HNRNPDL: variants seen among roughly 807,000 people sequenced by gnomAD.
HNRNPDL encodes heterogeneous nuclear ribonucleoprotein D like, also known as heterogeneous nuclear ribonucleoprotein D-like.
HNRNPDL carries 18 observed loss-of-function variants against 48.0 expected under a neutral mutation model. That is an observed-to-expected ratio of 0.38 (90% CI 0.26 to 0.56). HNRNPDL has a LOEUF of 0.56. HNRNPDL is among the 20% of genes least tolerant of loss of function. The probability of loss-of-function intolerance (pLI) is 0.77; values close to 1 mark genes in which losing one functional copy is unlikely to be tolerated. For synonymous variants in HNRNPDL, 306 were observed against 207.3 expected (o/e 1.48, Z -4.09); for missense variants, 553 against 540.7 (o/e 1.02, Z -0.23).
At position 82,429,801 on chromosome 4, in the gene HNRNPDL, C is replaced by T. The variant is rs2516817; in HGVS notation, c.-111G>A. 0.33 allele frequency: 268,984 copies of T among 809,536 alleles called. 48,957 individuals are homozygous for T. Among genetic ancestry groups the T allele is most frequent in the East Asian group, 0.68 (20,274 of 29,728 alleles). The allele number at this position is 809,536 out of a possible 1,614,324, so 50.1% of individuals were successfully genotyped here. ...GGCGTAAATTCCTGGGGTCAGCAGT[C>T]CCGAGCAGAGCCGACGCAGGGCCAC... is the stretch of plus-strand genomic sequence containing the variant. On this transcript the variant is annotated 5_prime_UTR_variant, in exon 1 of 8. Transcript: ENST00000295470.
intron 6 of HNRNPDL, 28 bp downstream of exon 6, chr4:82,426,435 T>A: frequency 6.3e-7 from 1 of 1,575,476 alleles, no homozygotes; most frequent in South Asian, 1.1e-5. Context: ...ATACCACTGC[T>A]TTATAAAATT....
chr4:82,426,347 C>T (rs1721406490), intron 6 of HNRNPDL, 116 bp downstream of exon 6: 3 of 979,266 alleles, frequency 3.1e-6, no homozygotes, highest in Non-Finnish European at 3.1e-6. Flanking sequence ...ATGCCTCAAA[C>T]ACTTAACTCC....
chr4:82,425,718 GT>G (rs2110026968), intron 7 of HNRNPDL: 1 of 236,962 alleles, frequency 4.2e-6, no homozygotes, highest in East Asian at 9.2e-5. Context: ...CAACATTCTT[GT>G]TTTCCTTAAG....
intron 7 of HNRNPDL, 86 bp downstream of exon 7, chr4:82,425,951 A>G (rs945237615): frequency 1.3e-5 from 11 of 875,248 alleles, no homozygotes; most frequent in Non-Finnish European, 1.9e-5. Context: ...CAGGCTACAT[A>G]GTATTTTGTT....
In HNRNPDL at chr4:82,428,273, C is replaced by T. The variant is rs941602069; in HGVS notation, c.612+5G>A. 1.9e-6 allele frequency: 3 copies of T among 1,611,762 alleles called. No homozygotes were observed. The highest frequency in any genetic ancestry group is 8.5e-7 in the Non-Finnish European group (1 of 1,178,340). ...AAGCAGCACAATGCAAAACATAGTT[C>T]CTACCTTATCAACACTAGCAGCATC... On this transcript the variant is annotated splice_donor_5th_base_variant and intron_variant, in intron 2 of 7. Coordinates refer to ENST00000295470, the MANE Select transcript of HNRNPDL (RefSeq NM_031372.4).
rs756961811 is a variant in HNRNPDL at position 82,429,540 on chromosome 4, G to C, written c.151C>G (p.Arg51Gly). ...LLPSLAPSSA[R>G]QGARRAQRHV... ...CGCTGGGCCCGGCGCGCCCCCTGCCGGGCGGAGCTGGGAGCGAGCGAAGGG... is the reference window on the plus strand; with the variant it reads ...CGCTGGGCCCGGCGCGCCCCCTGCCCGGCGGAGCTGGGAGCGAGCGAAGGG... The change falls in exon 1 of 8, where the codon CGG (arginine) becomes GGG (glycine). Residue 51 changes from arginine (R) to glycine (G), a missense_variant. This residue lies in a region of HNRNPDL where 327 missense variants were observed against 203.2 expected (regional missense o/e 1.61). Coordinates refer to ENST00000295470, the MANE Select transcript of HNRNPDL (RefSeq NM_031372.4). 2.0e-6 allele frequency: 3 copies of C among 1,476,540 alleles called. No homozygotes were observed. Among genetic ancestry groups the C allele is most frequent in the Non-Finnish European group, 2.7e-6 (3 of 1,117,096 alleles). 91.5% of individuals were successfully genotyped at this position (1,476,540 alleles called of 1,614,324 possible).
chr4:82,426,479 T>A lies in HNRNPDL; in HGVS notation c.1176A>T (p.Gly392=). The A allele has an allele frequency of 6.2e-7, 1 of 1,611,874 alleles. No homozygotes were observed. The highest frequency in any genetic ancestry group is 8.5e-7 in the Non-Finnish European group (1 of 1,178,214). Residue 392 remains glycine (G), a synonymous_variant, in exon 6 of 8, where the codon GGA becomes GGT. Transcript: ENST00000295470. ...YNYGNYGYGQ[G]YADYSGQQST... is the part of the protein sequence containing the mutation. Reference sequence around the variant, plus strand: ...TATTCTTACCACTGTAGTCTGCATATCCCTGTCCATATCCATAGTTCCCAT... The same window carrying A: ...TATTCTTACCACTGTAGTCTGCATAACCCTGTCCATATCCATAGTTCCCAT...
At chr4:82,429,123 G>A in intron 1 of HNRNPDL, 125 bp downstream of exon 1, 4 of 861,058 alleles carry the variant, frequency 4.6e-6, no homozygotes, top group South Asian at 1.4e-5. Context: ...CCAATCTAGT[G>A]GGGCCCAGAA....
Position 82,429,696 on chromosome 4 carries a change from C to A in HNRNPDL, c.-6G>T. 1 of 1,350,146 alleles carries A rather than the reference C, an allele frequency of 7.4e-7. No homozygotes were observed. Among genetic ancestry groups the A allele is most frequent in the Non-Finnish European group, 9.5e-7 (1 of 1,053,520 alleles). The allele number at this position is 1,350,146 out of a possible 1,614,324, so 83.6% of individuals were successfully genotyped here. A position where few individuals can be genotyped will look rare whatever the true frequency, so the allele number is the denominator to read the frequency against. On this transcript the variant is annotated 5_prime_UTR_variant, in exon 1 of 8. Transcript: ENST00000295470. ...AGCCTGGGCGGGACCTCCATCGCGG[C>A]CCTCCCGGCAAGGAGAGAGGCCACG...
Position 82,429,511 on chromosome 4 carries a change from G to T in HNRNPDL, c.180C>A (p.His60Gln). The T allele has an allele frequency of 6.6e-7, 1 of 1,524,338 alleles. No homozygotes were observed. The highest frequency in any genetic ancestry group is 8.8e-7 in the Non-Finnish European group (1 of 1,136,242). 94.4% of individuals were successfully genotyped at this position (1,524,338 alleles called of 1,614,324 possible). Residue 60 changes from histidine (H) to glutamine (Q), a missense_variant, in exon 1 of 8, where the codon CAC (histidine) becomes CAA (glutamine). Coordinates refer to ENST00000295470, the MANE Select transcript of HNRNPDL (RefSeq NM_031372.4). ...ARQGARRAQR[H>Q]VTAQQPSRLA... ...ATCGGGAGGGCTGCTGGGCGGTGAC[G>T]TGGCGCTGGGCCCGGCGCGCCCCCT... is the stretch of plus-strand genomic sequence containing the variant.
Position 82,427,494 on chromosome 4 carries a change from G to T in HNRNPDL, c.845C>A (p.Thr282Asn). 1 of 1,610,444 alleles carries T rather than the reference G, an allele frequency of 6.2e-7. No homozygotes were observed. Among genetic ancestry groups the T allele is most frequent in the Non-Finnish European group, 8.5e-7 (1 of 1,178,272 alleles). ...ERRGFCFITY[T>N]DEEPVKKLLE... ...CAATTTTTTTACTGGCTCTTCATCA[G>T]TATATGTGATAAAACAAAATCCTCT... The change falls in exon 4 of 8, where the codon ACT (threonine) becomes AAT (asparagine). Residue 282 changes from threonine (T) to asparagine (N), a missense_variant. Around this residue, in one of 4 missense-constraint regions of HNRNPDL, gnomAD observed 174 missense variants for 204.6 expected, o/e 0.85. Coordinates refer to ENST00000295470, the MANE Select transcript of HNRNPDL (RefSeq NM_031372.4).
At position 82,429,462 on chromosome 4, in the gene HNRNPDL, C is replaced by G; in HGVS notation, c.229G>C (p.Gly77Arg). The G allele has an allele frequency of 6.3e-7, 1 of 1,594,878 alleles. No individual in the cohort carries two copies. The highest frequency in any genetic ancestry group is 8.5e-7 in the Non-Finnish European group (1 of 1,170,560). ...SRLAGGAAIK[G>R]GRRRRPDLFR... The stretch of plus-strand genomic sequence containing the variant: ...AGATCCGGGCGCCGCCTGCGCCCTC[C>G]CTTTATAGCCGCCCCGCCCGCCAAT... Residue 77 changes from glycine to arginine, a missense_variant, in exon 1 of 8, where the codon GGA becomes CGA. Coordinates refer to ENST00000295470, the MANE Select transcript of HNRNPDL (RefSeq NM_031372.4).
intron 7 of HNRNPDL, chr4:82,425,193 C>T (rs903909545): frequency 6.6e-6 from 1 of 152,182 alleles, no homozygotes; most frequent in Non-Finnish European, 1.5e-5. Context: ...CTATCACAAA[C>T]ACCAATTTCT....
chr4:82,425,866 A>G, intron 7 of HNRNPDL, 171 bp downstream of exon 7: 1 of 551,336 alleles, frequency 1.8e-6, no homozygotes, highest in Admixed American at 3.2e-5. Flanking sequence ...ATAAGACTTT[A>G]AAGTTAAAGA....
chr4:82,428,840 C>G (rs1337496239), intron 1 of HNRNPDL, among the ~76,000 whole-genome samples: 1 of 152,244 alleles, frequency 6.6e-6, no homozygotes, highest in African/African-American at 2.4e-5. Flanking sequence ...TTTTGTGAAT[C>G]TGGGTACCAG....
chr4:82,427,926 C>T, intron 3 of HNRNPDL, 92 bp downstream of exon 3: 1 of 1,246,032 alleles, frequency 8.0e-7, no homozygotes, highest in South Asian at 1.4e-5. Context: ...TCTACTCTTA[C>T]AGGAAACATG....
At position 82,426,037 on chromosome 4, in the gene HNRNPDL, CT is replaced by C. The variant is rs1721392277; in HGVS notation, c.*21del. 1 of 1,569,692 alleles carries C rather than the reference CT, an allele frequency of 6.4e-7. No homozygotes were observed. The highest frequency in any genetic ancestry group is 8.8e-7 in the Non-Finnish European group (1 of 1,140,020). The stretch of plus-strand genomic sequence containing the variant: ...TGTTTTCCTGTACTCTTATACACAC[CT>C]GTTTTCTCCAATGTTCTCCTTTAGT... On this transcript the variant is annotated splice_region_variant and 3_prime_UTR_variant, in exon 7 of 8. Transcript: ENST00000295470.
rs1721280836 is a variant in HNRNPDL at position 82,423,565 on chromosome 4, T to TA, written c.*1340dup. 1 of 151,830 alleles carries TA rather than the reference T, an allele frequency of 6.6e-6. No individual in the cohort carries two copies. 9.4% of individuals were successfully genotyped at this position (151,830 alleles called of 1,614,324 possible). ...GGAGGGCTCATGAGCATAAGAAACT[T>TA]ACCAGTTTTGTGAGATCACCCGTTG... On this transcript the variant is annotated 3_prime_UTR_variant, in exon 8 of 8. Coordinates refer to ENST00000295470, the MANE Select transcript of HNRNPDL (RefSeq NM_031372.4).
chr4:82,425,934 G>C, intron 7 of HNRNPDL, 103 bp downstream of exon 7: 1 of 751,220 alleles, frequency 1.3e-6, no homozygotes, highest in Non-Finnish European at 2.2e-6. Context: ...CAACAATTTA[G>C]TAAAAACAGG....
Sources: gnomAD v4.1 joint callset for allele counts (sites outside exome capture counted in the v4.1 genomes callset) on GRCh38, gnomAD v4.1.1 for gene constraint, gnomAD v4.1.1 regional missense constraint, MANE v1.5 for transcripts, NCBI Gene and HGNC (gene_info 2026-07-23, HGNC 2026-07-21) for gene names.